The following GFAP variants were observed in gnomAD, a reference collection of about 807,000 sequenced individuals.
GFAP encodes glial fibrillary acidic protein.
Under a neutral mutation model 49.3 loss-of-function variants are expected in GFAP, and 38 were observed. That is an observed-to-expected ratio of 0.77 (90% CI 0.60 to 1.01). The LOEUF (loss-of-function observed/expected upper bound fraction) is 1.01. Ranked by LOEUF, GFAP falls within the 50% of genes least tolerant of loss-of-function variation. The pLI is 0.00. For synonymous variants in GFAP, 222 were observed against 236.4 expected (o/e 0.94, Z 0.56); for missense variants, 463 against 579.1 (o/e 0.80, Z 2.06).
chr17:44,908,072 C>T lies in GFAP; in HGVS notation c.1249G>A (p.Asp417Asn), dbSNP rs1487652782. 1.2e-6 allele frequency: 2 copies of T among 1,605,904 alleles called. No individual in the cohort carries two copies. Among genetic ancestry groups the T allele is most frequent in the East Asian group, 2.2e-5 (1 of 44,704 alleles). Residue 417 changes from aspartate to asparagine, a missense_variant, in exon 8 of 9, where the codon GAT becomes AAT. This residue lies in a region of GFAP where 362 missense variants were observed against 445.5 expected (regional missense o/e 0.81). Transcript: ENST00000588735. ...NIVVKTVEMR[D>N]GEVIKESKQE... Reference sequence around the variant, plus strand: ...CCCAAATCCCTCCTTACCTCTCCATCCCGCATCTCCACGGTCTTCACCACG... The same window carrying T: ...CCCAAATCCCTCCTTACCTCTCCATTCCGCATCTCCACGGTCTTCACCACG...
Position 44,905,138 on chromosome 17 carries a change from T to A in GFAP, c.*2209A>T. 1 of 1,296,300 alleles carries A rather than the reference T, an allele frequency of 7.7e-7. No homozygotes were observed. Among genetic ancestry groups the A allele is most frequent in the Non-Finnish European group, 1.1e-6 (1 of 943,496 alleles). The allele number at this position is 1,296,300 out of a possible 1,614,324, so 80.3% of individuals were successfully genotyped here. ...TTTGTTAAATGATACCAGATGTCTC[T>A]GGGTGGGTACCCTGGGTTGGGACAG... On this transcript the variant is annotated 3_prime_UTR_variant, in exon 9 of 9. Transcript: ENST00000588735.
In GFAP at chr17:44,915,080, C is replaced by T. The variant is rs764939072; in HGVS notation, c.407G>A (p.Arg136Gln). Reference protein sequence around the residue: ...RLDQLTANSARLEVERDNLAQ... With the variant: ...RLDQLTANSAQLEVERDNLAQ... ...CAGATTGTCCCTCTCAACCTCCAGCCGGGCGCTGTTGGCGGTGAGTTGATC... is the reference window on the plus strand; with the variant it reads ...CAGATTGTCCCTCTCAACCTCCAGCTGGGCGCTGTTGGCGGTGAGTTGATC... Residue 136 changes from arginine to glutamine, a missense_variant, in exon 1 of 9, where the codon CGG (arginine) becomes CAG (glutamine). Coordinates refer to ENST00000588735, the MANE Select transcript of GFAP (RefSeq NM_002055.5). The surrounding 1 kb of genome is among the most constrained non-coding windows in gnomAD (Gnocchi z 4.1). 1.1e-5 allele frequency: 18 copies of T among 1,613,318 alleles called. No homozygotes were observed. Among genetic ancestry groups the T allele is most frequent in the African/African-American group, 2.7e-5 (2 of 74,926 alleles).
chr17:44,915,360 G>A lies in GFAP; in HGVS notation c.127C>T (p.Pro43Ser), dbSNP rs368169263. Residue 43 changes from proline to serine, a missense_variant, in exon 1 of 9, where the codon CCC becomes TCC. By Grantham distance (74) the Pro-to-Ser change is moderately conservative (BLOSUM62 -1). Around this residue, in one of 3 missense-constraint regions of GFAP, gnomAD observed 89 missense variants for 87.5 expected, o/e 1.02. Transcript: ENST00000588735. The surrounding 1 kb of genome is among the most constrained non-coding windows in gnomAD (Gnocchi z 4.1). ...PGTRLSLARM[P>S]PPLPTRVDFS... ...TCCACCCGGGTCGGGAGTGGAGGGG[G>A]CATTCGAGCCAGGGAGAGGCGGGTG... is the stretch of plus-strand genomic sequence containing the variant. The A allele has an allele frequency of 4.3e-6, 7 of 1,611,072 alleles. No homozygotes were observed. Among genetic ancestry groups the A allele is most frequent in the African/African-American group, 4.0e-5 (3 of 75,018 alleles).
chr17:44,912,983 G>C (rs1353497788), intron 4 of GFAP: 2 of 459,266 alleles, frequency 4.4e-6, no homozygotes, highest in East Asian at 4.3e-5. Context: ...ATCTGTCAAA[G>C]AACAGCACCT....
chr17:44,910,332 C>T, intron 7 of GFAP: 1 of 1,612,806 alleles, frequency 6.2e-7, no homozygotes, highest in Non-Finnish European at 8.5e-7. Context: ...CAGGGATCTG[C>T]AGACAGGGCA....
rs1415130176 is a variant in GFAP at position 44,913,307 on chromosome 17, T to A, written c.742A>T (p.Ser248Cys). 6.2e-7 allele frequency: 1 copy of A among 1,614,112 alleles called. No individual in the cohort carries two copies. The highest frequency in any genetic ancestry group is 8.5e-7 in the Non-Finnish European group (1 of 1,180,042). Residue 248 changes from serine to cysteine, a missense_variant, in exon 4 of 9, where the codon AGC becomes TGC. By Grantham distance (112) the Ser-to-Cys change is moderately radical. This residue lies in a region of GFAP where 362 missense variants were observed against 445.5 expected (regional missense o/e 0.81). Coordinates refer to ENST00000588735, the MANE Select transcript of GFAP (RefSeq NM_002055.5). ...IRTQYEAMAS[S>C]NMHEAEEWYR... ...CACTCTTCGGCTTCATGCATGTTGC[T>A]GGACGCCATTGCCTCATACTGCGTG...
In GFAP at chr17:44,911,410, A is replaced by G. The variant is rs778466105; in HGVS notation, c.953T>C (p.Val318Ala). 4.3e-6 allele frequency: 7 copies of G among 1,612,890 alleles called. No homozygotes were observed. The Admixed American group carries it at 6.7e-5, about 15-fold the overall frequency. Reference sequence around the variant, plus strand: ...CTCCTGATAACTGGCCGCCTCCCGCACGTGCCGCTCCTCCTGCTCGCGCAT... The same window carrying G: ...CTCCTGATAACTGGCCGCCTCCCGCGCGTGCCGCTCCTCCTGCTCGCGCAT... ...RQMREQEERHVREAASYQEAL... is the reference protein window; with the variant it reads ...RQMREQEERHAREAASYQEAL... Residue 318 changes from valine to alanine, a missense_variant, in exon 6 of 9, where the codon GTG becomes GCG. Val to Ala is a moderately conservative substitution (Grantham distance 64). Coordinates refer to ENST00000588735, the MANE Select transcript of GFAP (RefSeq NM_002055.5).
At chr17:44,909,988 G>A (rs1322272559) in intron 7 of GFAP, 3 of 1,521,412 alleles carry the variant, frequency 2.0e-6, no homozygotes, top group Non-Finnish European at 2.6e-6. Flanking sequence ...GTCCTGGGCT[G>A]GGCACTGCAG....
chr17:44,904,595 A>G lies in GFAP; in HGVS notation c.*2752T>C. ...GACCATCCGGGAGGGCGTGCTGGCC[A>G]TCATTAACTATGTGTCCAAAGTGGG... is the stretch of plus-strand genomic sequence containing the variant. On this transcript the variant is annotated 3_prime_UTR_variant, in exon 9 of 9. Transcript: ENST00000588735. The G allele has an allele frequency of 6.4e-7, 1 of 1,550,564 alleles. No individual in the cohort carries two copies. The highest frequency in any genetic ancestry group is 8.7e-7 in the Non-Finnish European group (1 of 1,146,994).
chr17:44,912,005 G>T (rs1033495344), intron 4 of GFAP, among the ~76,000 whole-genome samples: 1 of 152,226 alleles, frequency 6.6e-6, no homozygotes, highest in African/African-American at 2.4e-5. Context: ...GCAAGCGAAT[G>T]AATGAACAGT....
chr17:44,904,312 A>C lies in GFAP; in HGVS notation c.*3035T>G. ...AGGGCCAGGAGCCCTTTGCAGATGA[A>C]TACTATGGGCACCTCCATGTCTTCA... On this transcript the variant is annotated 3_prime_UTR_variant, in exon 9 of 9. Transcript: ENST00000588735. 3 of 1,546,406 alleles carry C rather than the reference A, an allele frequency of 1.9e-6. No homozygotes were observed. Among genetic ancestry groups the C allele is most frequent in the Non-Finnish European group, 2.6e-6 (3 of 1,144,776 alleles).
intron 5 of GFAP, 69 bp downstream of exon 5, chr17:44,911,603 C>G (rs2051769676): frequency 6.3e-7 from 1 of 1,596,352 alleles, no homozygotes; most frequent in South Asian, 1.1e-5. Context: ...CCTGGCCCTT[C>G]TCCCCTGGCA....
chr17:44,911,519 C>G, intron 5 of GFAP, 63 bp from the exon 6 acceptor site: 3 of 1,541,814 alleles, frequency 1.9e-6, no homozygotes, highest in Middle Eastern at 2.4e-4. Flanking sequence ...TTTCGAGGCC[C>G]GGCCCCCGGC....
rs746445591 is a variant in GFAP, at chr17:44,910,686, C to T, written c.1128-28G>A. The T allele has an allele frequency of 3.2e-6, 5 of 1,578,178 alleles. No homozygotes were observed. In the Admixed American group the frequency reaches 9.4e-5, roughly 30 times the overall value. On this transcript the variant is annotated intron_variant, in intron 6 of 8. Coordinates refer to ENST00000588735, the MANE Select transcript of GFAP (RefSeq NM_002055.5). ...GAAAGAAAGCAGAGGGAGAGGGCTG[C>T]CCGGGCTGCCTGGGACACCCCTAGG...
At chr17:44,912,202 C>T (rs970602475) in intron 4 of GFAP, among the ~76,000 whole-genome samples, 1 of 152,106 alleles carries the variant, frequency 6.6e-6, no homozygotes, top group Non-Finnish European at 1.5e-5. Context: ...CGGGTCACTG[C>T]AACCTCTGCC....
chr17:44,914,838 C>A, intron 1 of GFAP, 188 bp downstream of exon 1: 1 of 610,682 alleles, frequency 1.6e-6, no homozygotes, highest in South Asian at 2.0e-5. Flanking sequence ...GGCATCAGAT[C>A]CCCGGGGCCC....
intron 4 of GFAP, 22 bp downstream of exon 4, chr17:44,913,247 G>A (rs1390915766): frequency 8.1e-6 from 13 of 1,611,778 alleles, no homozygotes; most frequent in Non-Finnish European, 1.0e-5. Context: ...GAGGAGGCAG[G>A]CTGGCCCACA....
At chr17:44,912,808 G>C in intron 4 of GFAP, 1 of 248,964 alleles carries the variant, frequency 4.0e-6, no homozygotes, top group Non-Finnish European at 8.0e-6. Flanking sequence ...TGTCCTGGGG[G>C]GTGCCTGGCA....
At chr17:44,908,307 A>G in intron 7 of GFAP, 158 bp from the exon 8 acceptor site, 1 of 467,384 alleles carries the variant, frequency 2.1e-6, no homozygotes, top group Non-Finnish European at 3.9e-6. Context: ...CGGGCTGGAG[A>G]GCCCCCAAAT....
Sources: gnomAD v4.1 joint callset for allele counts (sites outside exome capture counted in the v4.1 genomes callset) on GRCh38, gnomAD v4.1.1 for gene constraint, gnomAD v4.1.1 regional missense constraint, Gnocchi (gnomAD v3.1) non-coding constraint, MANE v1.5 for transcripts, NCBI Gene and HGNC (gene_info 2026-07-23, HGNC 2026-07-21) for gene names.